Variants in NEK11 observed in about 807,000 individuals in gnomAD.
NEK11 encodes NIMA related kinase 11, also known as serine/threonine-protein kinase Nek11.
A neutral mutation model predicts 80.7 loss-of-function variants in NEK11; 72 were observed. The ratio of observed to expected loss-of-function variants is 0.89; its 90% CI spans 0.74 to 1.08. The LOEUF is 1.08. NEK11 is among the 50% of genes least tolerant of loss of function. The pLI is 0.00. For synonymous variants in NEK11, 251 were observed against 260.7 expected, an observed-to-expected ratio of 0.96 and a Z score of 0.36; for missense variants, 764 against 763.6, an observed-to-expected ratio of 1.00 and a Z score of -0.01.
chr3:131,292,012 G>A (rs2096548814), intron 17 of NEK11, among the ~76,000 whole-genome samples: 1 of 152,076 alleles, frequency 6.6e-6, no homozygotes, highest in African/African-American at 2.4e-5. Context: ...GGTAATCTAG[G>A]TTTTCTTTTA....
At chr3:131,332,764 G>A (rs9756375) in intron 17 of NEK11, among the ~76,000 whole-genome samples, 15,208 of 152,170 alleles carry the variant, frequency 0.1, 1,216 homozygotes, top group African/African-American at 0.22. Context: ...ATACAGAGAA[G>A]TGCTTAAAGG....
chr3:131,174,246 A>G (rs1298456517), intron 14 of NEK11, among the ~76,000 whole-genome samples: 1 of 152,216 alleles, frequency 6.6e-6, no homozygotes, highest in Non-Finnish European at 1.5e-5. Context: ...GTGGGCAACT[A>G]CCAGAAAATT....
At chr3:131,336,984 T>C (rs1475652439) in intron 17 of NEK11, among the ~76,000 whole-genome samples, 3 of 152,042 alleles carry the variant, frequency 2.0e-5, no homozygotes, top group African/African-American at 7.2e-5. Context: ...GGAGAGGATG[T>C]GGAGAAATAG....
At chr3:131,184,979 A>C (rs1482076537) in intron 14 of NEK11, among the ~76,000 whole-genome samples, 1 of 152,148 alleles carries the variant, frequency 6.6e-6, no homozygotes, top group Non-Finnish European at 1.5e-5. Context: ...AATCCTCCCA[A>C]GGCTCCTTGG....
intron 17 of NEK11, among the ~76,000 whole-genome samples, chr3:131,318,605 A>C (rs1284698989): frequency 1.3e-5 from 2 of 152,088 alleles, no homozygotes; most frequent in Non-Finnish European, 2.9e-5. Context: ...ATTAAAAAGA[A>C]GTGAGAAAGA....
At chr3:131,269,434 A>G (rs1441476909) in intron 16 of NEK11, among the ~76,000 whole-genome samples, 2 of 152,322 alleles carry the variant, frequency 1.3e-5, no homozygotes, top group East Asian at 3.9e-4. Context: ...TGTGGGTTGC[A>G]AAGACCATGG....
At chr3:131,318,861 G>A (rs1275564555) in intron 17 of NEK11, among the ~76,000 whole-genome samples, 1 of 151,572 alleles carries the variant, frequency 6.6e-6, no homozygotes. Flanking sequence ...AGGACATTCT[G>A]GTGATGTAAT....
chr3:131,209,076 A>T (rs1427823942), intron 14 of NEK11, among the ~76,000 whole-genome samples: 1 of 152,166 alleles, frequency 6.6e-6, no homozygotes, highest in African/African-American at 2.4e-5. Flanking sequence ...GTTTTTGCCC[A>T]TTCAGTATGA....
chr3:131,325,291 A>ATAAC (rs1479452481), intron 17 of NEK11: 2 of 129,608 alleles, frequency 1.5e-5, no homozygotes, highest in Admixed American at 1.6e-4. Flanking sequence ...AAAACAAGAA[A>ATAAC]TAACTTATAC....
chr3:131,181,553 T>C lies in NEK11; in HGVS notation c.1399+10666T>C, dbSNP rs948520676. 2.7e-4 allele frequency among the ~76,000 whole-genome samples: 41 copies of C among 152,202 alleles called. 1 individual carries two copies. The highest frequency in any genetic ancestry group is 2.4e-3 in the Admixed American group (37 of 15,306). Reference sequence around the variant, plus strand: ...CAAGGTCAGGAGATGGAGACCATCCTGGCTAACACGATGAAACCCCATCTC... The same window carrying C: ...CAAGGTCAGGAGATGGAGACCATCCCGGCTAACACGATGAAACCCCATCTC... On this transcript the variant is annotated intron_variant, in intron 14 of 17. Coordinates refer to ENST00000383366, the MANE Select transcript of NEK11 (RefSeq NM_024800.5).
intron 11 of NEK11, among the ~76,000 whole-genome samples, chr3:131,163,585 G>T (rs918283100): frequency 1.3e-5 from 2 of 152,096 alleles, no homozygotes; most frequent in African/African-American, 2.4e-5. Context: ...CTAGGGGCAG[G>T]GGGGCATGAA....
chr3:131,346,758 G>T (rs1034120856), intron 17 of NEK11, among the ~76,000 whole-genome samples: 1 of 152,120 alleles, frequency 6.6e-6, no homozygotes, highest in African/African-American at 2.4e-5. Context: ...AGATTAGCTG[G>T]TAAGTATGGT....
intron 14 of NEK11, 130 bp downstream of exon 14, chr3:131,171,017 A>G (rs2092655326): frequency 1.3e-6 from 1 of 748,818 alleles, no homozygotes; most frequent in South Asian, 1.5e-5. Flanking sequence ...TCAGTTTACC[A>G]GGGCTGGGCT....
At chr3:131,315,716 A>AC in intron 17 of NEK11, among the ~76,000 whole-genome samples, 1 of 149,898 alleles carries the variant, frequency 6.7e-6, no homozygotes, top group Non-Finnish European at 1.5e-5. Context: ...TCCCCCACCA[A>AC]CCCCCGACAG....
intron 15 of NEK11, among the ~76,000 whole-genome samples, chr3:131,232,991 A>T (rs996020736): frequency 1.0e-5 from 1 of 98,832 alleles, no homozygotes; most frequent in Non-Finnish European, 2.2e-5. Context: ...GAAGGAAGGA[A>T]GGAAGGAAGG....
intron 10 of NEK11, among the ~76,000 whole-genome samples, chr3:131,155,588 C>T (rs1177215361): frequency 2.0e-5 from 3 of 152,178 alleles, no homozygotes; most frequent in African/African-American, 7.2e-5. Flanking sequence ...AAGAACTAAA[C>T]ATTGTATTCC....
intron 3 of NEK11, among the ~76,000 whole-genome samples, chr3:131,046,672 G>T (rs2067447010): frequency 6.6e-6 from 1 of 151,576 alleles, no homozygotes. Context: ...ATGTTGGTTT[G>T]CTGCACCTAT....
chr3:131,127,690 G>C (rs1412196293), intron 5 of NEK11, among the ~76,000 whole-genome samples: 1 of 150,968 alleles, frequency 6.6e-6, no homozygotes, highest in Admixed American at 6.6e-5. Flanking sequence ...TGGTATGCCT[G>C]GTAGTTTTTG....
chr3:131,254,048 C>T (rs949939475), intron 16 of NEK11, among the ~76,000 whole-genome samples: 2 of 152,122 alleles, frequency 1.3e-5, no homozygotes, highest in African/African-American at 4.8e-5. Context: ...GTAGCATGTT[C>T]TCCGTAAGTT....
Sources: allele counts gnomAD v4.1 joint callset (sites outside exome capture counted in the v4.1 genomes callset), GRCh38; gene constraint gnomAD v4.1.1; transcripts MANE v1.5; gene names NCBI Gene and HGNC (gene_info 2026-07-23, HGNC 2026-07-21).